NLRC3: variants seen among roughly 807,000 people sequenced by gnomAD.
The protein encoded by NLRC3 is NLR family CARD domain containing 3, also known as NLR family CARD domain-containing protein 3.
NLRC3 carries 87 observed loss-of-function variants against 91.6 expected under a neutral mutation model. The observed-to-expected ratio is 0.95, with a 90% CI of 0.80 to 1.14. NLRC3 has a LOEUF of 1.14. NLRC3 is among the 50% of genes most tolerant of loss of function. The probability of loss-of-function intolerance (pLI) is 0.00; values close to 1 mark genes in which losing one functional copy is unlikely to be tolerated. For missense variants in NLRC3, 1,577 were observed against 1,418.6 expected (o/e 1.11, Z -1.79); for synonymous variants, 694 against 625.3 (o/e 1.11, Z -1.64).
chr16:3,573,396 C>T (rs2040169175), intron 1 of NLRC3, among the ~76,000 whole-genome samples: 1 of 152,206 alleles, frequency 6.6e-6, no homozygotes, highest in African/African-American at 2.4e-5. Context: ...TACTCCACTC[C>T]AGCCTGAGTG....
chr16:3,549,642 A>G, intron 12 of NLRC3, 55 bp downstream of exon 12: 1 of 1,313,564 alleles, frequency 7.6e-7, no homozygotes, highest in South Asian at 1.3e-5. Context: ...AAGTCCCTGC[A>G]GACAGGTGCC....
At position 3,564,744 on chromosome 16, in the gene NLRC3, T is replaced by C; in HGVS notation, c.193A>G (p.Arg65Gly). Residue 65 changes from arginine to glycine, a missense_variant, in exon 5 of 20, where the codon AGG becomes GGG. Transcript: ENST00000359128. This position sits in a 1 kb window ranked among gnomAD's most constrained non-coding sequence, Gnocchi z 5.9. ...GPCSNDSRIQRHRKALLSKVG... is the reference protein window; with the variant it reads ...GPCSNDSRIQGHRKALLSKVG... ...TTGCTCAGCAGGGCCTTGCGGTGCC[T>C]CTGTATCCTTGAGTCTGCGGGACAG... is the stretch of plus-strand genomic sequence containing the variant. 2.5e-6 allele frequency: 4 copies of C among 1,583,188 alleles called. No individual in the cohort carries two copies. The highest frequency in any genetic ancestry group is 3.4e-6 in the Non-Finnish European group (4 of 1,170,298).
In NLRC3 at chr16:3,556,892, G is replaced by A. The variant is rs2039364018; in HGVS notation, c.2183+19C>T. The A allele has an allele frequency of 6.3e-7, 1 of 1,579,674 alleles. No homozygotes were observed. The highest frequency in any genetic ancestry group is 1.3e-5 in the African/African-American group (1 of 74,202). ...GGCCCTCTCTTGGGGTCACAACACA[G>A]GGAGCAGGTGACACACACCTCAGGG... On this transcript the variant is annotated intron_variant, in intron 8 of 19. Transcript: ENST00000359128.
Position 3,540,159 on chromosome 16 carries a change from A to G in NLRC3, c.*1666T>C, listed in dbSNP as rs2038340755. Reference sequence around the variant, plus strand: ...ATTAAGGTACCTTTTTCCCTTTGTAAATTAGGATATCACCTTTGTGGGGTG... The same window carrying G: ...ATTAAGGTACCTTTTTCCCTTTGTAGATTAGGATATCACCTTTGTGGGGTG... On this transcript the variant is annotated 3_prime_UTR_variant, in exon 20 of 20. Transcript: ENST00000359128. The G allele has an allele frequency of 6.6e-6, 1 of 152,132 alleles. No individual in the cohort carries two copies. Among genetic ancestry groups the G allele is most frequent in the Non-Finnish European group, 1.5e-5 (1 of 68,034 alleles). 9.4% of individuals were successfully genotyped at this position (152,132 alleles called of 1,614,324 possible). A position where few individuals can be genotyped will look rare whatever the true frequency, so the allele number is the denominator to read the frequency against.
chr16:3,552,169 C>G (rs757532698), intron 10 of NLRC3, 27 bp downstream of exon 10: 2 of 1,359,888 alleles, frequency 1.5e-6, no homozygotes, highest in Non-Finnish European at 1.1e-6. Flanking sequence ...ACTGAGGATA[C>G]TAGTGTGGGC....
chr16:3,560,535 C>T (rs2039560484), intron 6 of NLRC3, among the ~76,000 whole-genome samples: 1 of 152,206 alleles, frequency 6.6e-6, no homozygotes, highest in Admixed American at 6.5e-5. Flanking sequence ...ACCACAAACC[C>T]CGAGTGTGTG....
At chr16:3,547,793 C>T (rs540856275) in intron 15 of NLRC3, among the ~76,000 whole-genome samples, 13 of 152,220 alleles carry the variant, frequency 8.5e-5, no homozygotes, top group East Asian at 1.9e-4. Flanking sequence ...CTCAGCCTCC[C>T]GAGTAGCTGG....
At chr16:3,542,514 A>G (rs904289648) in intron 18 of NLRC3, among the ~76,000 whole-genome samples, 178 bp downstream of exon 18, 2 of 152,224 alleles carry the variant, frequency 1.3e-5, no homozygotes, top group Non-Finnish European at 2.9e-5. Context: ...CTTCTGACTG[A>G]AGCTAAGCAC....
chr16:3,556,835 T>C (rs945174942), intron 8 of NLRC3, 76 bp downstream of exon 8: 10 of 972,906 alleles, frequency 1.0e-5, no homozygotes, highest in African/African-American at 1.6e-5. Flanking sequence ...CCTCCCATTC[T>C]CATAGGTGGT....
chr16:3,548,261 A>T, intron 14 of NLRC3, 43 bp from the exon 15 acceptor site: 1 of 1,485,768 alleles, frequency 6.7e-7, no homozygotes, highest in African/African-American at 1.4e-5. Flanking sequence ...CTATGTGACT[A>T]TGTGGCCCTG....
intron 5 of NLRC3, 175 bp downstream of exon 5, chr16:3,562,834 C>A (rs984303305): frequency 8.4e-6 from 6 of 714,676 alleles, no homozygotes; most frequent in African/African-American, 3.5e-5. Context: ...TTTGAGACTT[C>A]TGGCCTCCAG....
intron 8 of NLRC3, among the ~76,000 whole-genome samples, chr16:3,555,206 G>T (rs1279157700): frequency 6.7e-6 from 1 of 150,008 alleles, no homozygotes; most frequent in African/African-American, 2.5e-5. Context: ...CTCCAGTCTG[G>T]GTGACAGAGT....
At chr16:3,567,906 C>T (rs903304290) in intron 1 of NLRC3, among the ~76,000 whole-genome samples, 3 of 149,460 alleles carry the variant, frequency 2.0e-5, no homozygotes, top group African/African-American at 7.4e-5. Flanking sequence ...TGCTGTGTTG[C>T]CCAGGCTGGA....
chr16:3,546,395 A>T (rs1242301770), intron 15 of NLRC3, among the ~76,000 whole-genome samples: 1 of 128,164 alleles, frequency 7.8e-6, no homozygotes, highest in African/African-American at 3.5e-5. Context: ...CGTCTCTATT[A>T]AAAAAAAAAA....
intron 9 of NLRC3, 99 bp downstream of exon 9, chr16:3,554,143 T>C (rs1189231651): frequency 5.4e-6 from 5 of 918,198 alleles, no homozygotes; most frequent in Non-Finnish European, 8.9e-6. Flanking sequence ...CCTCAGGTCC[T>C]AGCCCCATCC....
intron 15 of NLRC3, 175 bp from the exon 16 acceptor site, chr16:3,544,504 T>C (rs905623999): frequency 1.2e-5 from 7 of 603,508 alleles, no homozygotes; most frequent in African/African-American, 5.5e-5. Context: ...CGCCTCATAC[T>C]AAGCACACAG....
In NLRC3 at chr16:3,563,242, G is replaced by A. The variant is rs772241058; in HGVS notation, c.1695C>T (p.Ile565=). The change falls in exon 5 of 20, where the codon ATC becomes ATT. Residue 565 remains isoleucine, a synonymous_variant. Coordinates refer to ENST00000359128, the MANE Select transcript of NLRC3 (RefSeq NM_178844.4). ...RPDAAVCARA[I]NVLHCLHELQ... ...GCTCATGCAGGCAGTGCAACACGTT[G>A]ATGGCCCGTGCACAGACTGCGGCAT... The A allele has an allele frequency of 5.0e-6, 8 of 1,605,922 alleles. No homozygotes were observed. The highest frequency in any genetic ancestry group is 6.8e-6 in the Non-Finnish European group (8 of 1,178,352).
Position 3,539,528 on chromosome 16 carries a change from C to T in NLRC3, c.*2297G>A, listed in dbSNP as rs1366689936. On this transcript the variant is annotated 3_prime_UTR_variant, in exon 20 of 20. Coordinates refer to ENST00000359128, the MANE Select transcript of NLRC3 (RefSeq NM_178844.4). ...ACCAGTTTGGCTCCTGAGGTTTCTT[C>T]AGCGTTAGGTTTCTGTAGGGCCCAG... The T allele has an allele frequency of 1.3e-5, 2 of 152,200 alleles. No homozygotes were observed. The highest frequency in any genetic ancestry group is 2.9e-5 in the Non-Finnish European group (2 of 68,062). The allele number at this position is 152,200 out of a possible 1,614,324, so 9.4% of individuals were successfully genotyped here. A position where few individuals can be genotyped will look rare whatever the true frequency, so the allele number is the denominator to read the frequency against.
chr16:3,543,726 TC>T (rs1444400925), intron 16 of NLRC3: 3 of 568,540 alleles, frequency 5.3e-6, no homozygotes, highest in Non-Finnish European at 9.5e-6. Flanking sequence ...ATAGAGGCTG[TC>T]CCTGGAAGGG....
Sources: gnomAD v4.1 joint callset for allele counts (sites outside exome capture counted in the v4.1 genomes callset) on GRCh38, gnomAD v4.1.1 for gene constraint, Gnocchi (gnomAD v3.1) non-coding constraint, MANE v1.5 for transcripts, NCBI Gene and HGNC (gene_info 2026-07-23, HGNC 2026-07-21) for gene names.